Variants in PSMB6 observed in about 807,000 individuals in gnomAD.
PSMB6 encodes proteasome subunit beta type-6.
Under a neutral mutation model 28.2 loss-of-function variants are expected in PSMB6, and 11 were observed. The observed-to-expected ratio is 0.39, with a 90% confidence interval of 0.25 to 0.65. The LOEUF is 0.65. Ranked by LOEUF, PSMB6 falls within the 30% of genes least tolerant of loss-of-function variation. The probability of loss-of-function intolerance (pLI) is 0.48; values close to 1 mark genes in which losing one functional copy is unlikely to be tolerated. For missense variants in PSMB6, 268 were observed against 319.4 expected, an observed-to-expected ratio of 0.84 and a Z score of 1.23; for synonymous variants, 126 against 117.7, an observed-to-expected ratio of 1.07 and a Z score of -0.45.
Position 4,796,743 on chromosome 17 carries a change from G to T in PSMB6, c.118G>T (p.Val40Leu), listed in dbSNP as rs1567517041. 6.2e-7 allele frequency: 1 copy of T among 1,607,420 alleles called. No homozygotes were observed. The highest frequency in any genetic ancestry group is 8.5e-7 in the Non-Finnish European group (1 of 1,173,954). Residue 40 changes from valine to leucine, a missense_variant, in exon 2 of 6, where the codon GTG (valine) becomes TTG (leucine). Physicochemically the swap from Val to Leu is conservative, Grantham distance 32. Transcript: ENST00000270586. Reference sequence around the variant, plus strand: ...CTTTTCCCAGACCACTATCATGGCCGTGCAGTTTGACGGGGGCGTGGTTCT... The same window carrying T: ...CTTTTCCCAGACCACTATCATGGCCTTGCAGTTTGACGGGGGCGTGGTTCT... ...EVSTGTTIMA[V>L]QFDGGVVLGA... is the part of the protein sequence containing the mutation.
intron 1 of PSMB6, 102 bp downstream of exon 1, chr17:4,796,398 G>A: frequency 4.1e-6 from 4 of 979,064 alleles, no homozygotes; most frequent in Non-Finnish European, 6.1e-6. Flanking sequence ...TGGAGAGGAG[G>A]TGGAATGTGT....
chr17:4,797,593 A>G, intron 3 of PSMB6, 24 bp downstream of exon 3: 2 of 1,592,958 alleles, frequency 1.3e-6, no homozygotes, highest in East Asian at 2.2e-5. Context: ...GGGGAGGGGC[A>G]AGTATCTGAA....
intron 2 of PSMB6, 98 bp from the exon 3 acceptor site, chr17:4,797,340 C>T: frequency 1.4e-6 from 2 of 1,426,966 alleles, no homozygotes; most frequent in Non-Finnish European, 1.9e-6. Context: ...AAAGGCAATA[C>T]TGGACATCCT....
intron 5 of PSMB6, 50 bp downstream of exon 5, chr17:4,798,203 G>A: frequency 2.5e-6 from 4 of 1,613,188 alleles, no homozygotes; most frequent in Non-Finnish European, 3.4e-6. Context: ...AACTACCCAA[G>A]CCAGGCCAGC....
Position 4,796,260 on chromosome 17 carries a change from C to G in PSMB6, c.66C>G (p.Phe22Leu). 6.3e-7 allele frequency: 1 copy of G among 1,586,996 alleles called. No individual in the cohort carries two copies. The highest frequency in any genetic ancestry group is 1.8e-5 in the Admixed American group (1 of 55,720). ...GPAPAWGPEAFTPDWESREVS... is the reference protein window; with the variant it reads ...GPAPAWGPEALTPDWESREVS... ...CACCGGCTTGGGGGCCGGAGGCGTT[C>G]ACTCCAGACTGGGAAAGCCGAGAAG... is the stretch of plus-strand genomic sequence containing the variant. The change falls in exon 1 of 6, where the codon TTC (phenylalanine) becomes TTG (leucine). Residue 22 changes from phenylalanine to leucine, a missense_variant. Physicochemically the swap from Phe to Leu is conservative, Grantham distance 22 (BLOSUM62 0). Transcript: ENST00000270586.
rs1368469082 is a variant in PSMB6, at chr17:4,797,246, TG to T, written c.171-190del. Reference sequence around the variant, plus strand: ...TAGAGAATCGCTTGGACCCAGGAGGTGGATGTTGCAGTGAGCAGAGATCGCG... The same window carrying T: ...TAGAGAATCGCTTGGACCCAGGAGGTGATGTTGCAGTGAGCAGAGATCGCG... On this transcript the variant is annotated intron_variant, in intron 2 of 5. Transcript: ENST00000270586. 1.1e-5 allele frequency: 7 copies of T among 628,286 alleles called. No homozygotes were observed. The East Asian group carries it at 1.2e-4, about 11-fold the overall frequency. 38.9% of individuals were successfully genotyped at this position (628,286 alleles called of 1,614,324 possible). A position where few individuals can be genotyped will look rare whatever the true frequency, so the allele number is the denominator to read the frequency against.
Position 4,798,237 on chromosome 17 carries a change from C to T in PSMB6, c.578-43C>T, listed in dbSNP as rs202229001. The stretch of plus-strand genomic sequence containing the variant: ...GCATTCCTCATTCCTTGCAGTGATC[C>T]CGGCATCTGAATCTGAACCCAGCTT... On this transcript the variant is annotated intron_variant, in intron 5 of 5. Transcript: ENST00000270586. 2.5e-6 allele frequency: 4 copies of T among 1,612,344 alleles called. No homozygotes were observed. The African/African-American group carries it at 4.0e-5, about 16-fold the overall frequency.
At chr17:4,796,662 T>TAG in intron 1 of PSMB6, 66 bp from the exon 2 acceptor site, 9 of 1,404,308 alleles carry the variant, frequency 6.4e-6, no homozygotes, top group Non-Finnish European at 9.1e-6. Flanking sequence ...TGGAACTAGG[T>TAG]AGAGAGATCA....
rs775696343 is a variant in PSMB6, at chr17:4,796,181, A to G, written c.-14A>G. On this transcript the variant is annotated 5_prime_UTR_variant, in exon 1 of 6. Coordinates refer to ENST00000270586, the MANE Select transcript of PSMB6 (RefSeq NM_002798.3). Reference sequence around the variant, plus strand: ...TTTACGACAGTTGCTTTGAGGCAGTACCGGAGGAGAAAGATGGCGGCTACC... The same window carrying G: ...TTTACGACAGTTGCTTTGAGGCAGTGCCGGAGGAGAAAGATGGCGGCTACC... 1.1e-5 allele frequency: 17 copies of G among 1,570,578 alleles called. No homozygotes were observed. The highest frequency in any genetic ancestry group is 1.7e-4 in the Middle Eastern group (1 of 6,028).
At position 4,796,877 on chromosome 17, in the gene PSMB6, C is replaced by CA. The variant is rs1905346170; in HGVS notation, c.170+83dup. The CA allele has an allele frequency of 1.4e-5, 17 of 1,196,548 alleles. No individual in the cohort carries two copies. The East Asian group carries it at 4.0e-4, about 28-fold the overall frequency. 74.1% of individuals were successfully genotyped at this position (1,196,548 alleles called of 1,614,324 possible). A position where few individuals can be genotyped will look rare whatever the true frequency, so the allele number is the denominator to read the frequency against. ...TGCCAGCCCACCCTGCCTGCCTCCA[C>CA]AGACCACTGTGGGAAGAGAGGTTTC... On this transcript the variant is annotated intron_variant, in intron 2 of 5. Coordinates refer to ENST00000270586, the MANE Select transcript of PSMB6 (RefSeq NM_002798.3).
rs1567517386 is a variant in PSMB6, at chr17:4,797,560, G to T, written c.293G>T (p.Gly98Val). 6.3e-7 allele frequency: 1 copy of T among 1,597,800 alleles called. No individual in the cohort carries two copies. Residue 98 changes from glycine (G) to valine (V), a missense_variant, in exon 3 of 6, where the codon GGT (glycine) becomes GTT (valine). Gly to Val is a moderately radical substitution (Grantham distance 109). Coordinates refer to ENST00000270586, the MANE Select transcript of PSMB6 (RefSeq NM_002798.3). ...GCTGATGCTGTCACCTACCAGCTCGGTTTCCACAGGTGCTTGTGGGCAGGG... is the reference window on the plus strand; with the variant it reads ...GCTGATGCTGTCACCTACCAGCTCGTTTTCCACAGGTGCTTGTGGGCAGGG... ...AVADAVTYQL[G>V]FHSIELNEPP...
intron 2 of PSMB6, 103 bp from the exon 3 acceptor site, chr17:4,797,335 C>A: frequency 7.1e-7 from 1 of 1,400,548 alleles, no homozygotes; most frequent in Non-Finnish European, 9.6e-7. Flanking sequence ...GAAAAAAAGG[C>A]AATACTGGAC....
chr17:4,796,704 T>G (rs746343952), intron 1 of PSMB6, 24 bp from the exon 2 acceptor site: 11 of 1,560,778 alleles, frequency 7.0e-6, no homozygotes, highest in Non-Finnish European at 9.7e-6. Flanking sequence ...GAATGTAGAC[T>G]TACTCCTTTT....
At chr17:4,797,260 A>G (rs1905362742) in intron 2 of PSMB6, 178 bp from the exon 3 acceptor site, 2 of 724,560 alleles carry the variant, frequency 2.8e-6, no homozygotes, top group South Asian at 2.2e-5. Flanking sequence ...TGTTGCAGTG[A>G]GCAGAGATCG....
chr17:4,796,296 G>C lies in PSMB6; in HGVS notation c.102G>C (p.Gly34=), dbSNP rs760803222. 31 of 1,567,512 alleles carry C rather than the reference G, an allele frequency of 2.0e-5. No homozygotes were observed. Among genetic ancestry groups the C allele is most frequent in the Non-Finnish European group, 2.3e-5 (27 of 1,155,256 alleles). Residue 34 remains glycine (G), a splice_region_variant and synonymous_variant, in exon 1 of 6, where the codon GGG becomes GGC. Transcript: ENST00000270586. ...PDWESREVST[G]TTIMAVQFDG... Reference sequence around the variant, plus strand: ...GGGAAAGCCGAGAAGTTTCCACTGGGGTGAGGAAGGAATCGGGGTTCATAG... The same window carrying C: ...GGGAAAGCCGAGAAGTTTCCACTGGCGTGAGGAAGGAATCGGGGTTCATAG...
intron 1 of PSMB6, 42 bp downstream of exon 1, chr17:4,796,338 G>C: frequency 6.9e-7 from 1 of 1,446,752 alleles, no homozygotes; most frequent in Admixed American, 2.0e-5. Context: ...CACAAGGCCT[G>C]ACGCGATGGG....
In PSMB6 at chr17:4,798,358, A is replaced by G. The variant is rs908573412; in HGVS notation, c.656A>G (p.Glu219Gly). Residue 219 changes from glutamate (E) to glycine (G), a missense_variant, in exon 6 of 6, where the codon GAG (glutamate) becomes GGG (glycine). Glu to Gly is a moderately conservative substitution (Grantham distance 98). Coordinates refer to ENST00000270586, the MANE Select transcript of PSMB6 (RefSeq NM_002798.3). ...RLAAIAESGV[E>G]RQVLLGDQIP... ...GCAGCCATTGCAGAGTCAGGGGTAG[A>G]GCGGCAAGTACTTTTGGGAGACCAG... The G allele has an allele frequency of 1.2e-6, 2 of 1,614,240 alleles. No individual in the cohort carries two copies. The highest frequency in any genetic ancestry group is 1.6e-4 in the Middle Eastern group (1 of 6,062).
In PSMB6 at chr17:4,798,053, T is replaced by C; in HGVS notation, c.477T>C (p.Phe159=). 6.2e-7 allele frequency: 1 copy of C among 1,614,160 alleles called. No homozygotes were observed. Among genetic ancestry groups the C allele is most frequent in the East Asian group, 2.2e-5 (1 of 44,882 alleles). ...GGGGTATGATGGTAAGGCAGTCCTT[T>C]GCCATTGGAGGCTCCGGGAGCTCCT... is the stretch of plus-strand genomic sequence containing the variant. ...PMGGMMVRQS[F]AIGGSGSSYI... Residue 159 remains phenylalanine, a synonymous_variant, in exon 5 of 6, where the codon TTT becomes TTC. Transcript: ENST00000270586.
Position 4,798,357 on chromosome 17 carries a change from G to A in PSMB6, c.655G>A (p.Glu219Lys). The change falls in exon 6 of 6, where the codon GAG becomes AAG. Residue 219 changes from glutamate (E) to lysine (K), a missense_variant. Glu to Lys is a moderately conservative substitution (Grantham distance 56). Coordinates refer to ENST00000270586, the MANE Select transcript of PSMB6 (RefSeq NM_002798.3). Reference protein sequence around the residue: ...RLAAIAESGVERQVLLGDQIP... With the variant: ...RLAAIAESGVKRQVLLGDQIP... Reference sequence around the variant, plus strand: ...GGCAGCCATTGCAGAGTCAGGGGTAGAGCGGCAAGTACTTTTGGGAGACCA... The same window carrying A: ...GGCAGCCATTGCAGAGTCAGGGGTAAAGCGGCAAGTACTTTTGGGAGACCA... 6.2e-7 allele frequency: 1 copy of A among 1,614,254 alleles called. No individual in the cohort carries two copies. The highest frequency in any genetic ancestry group is 8.5e-7 in the Non-Finnish European group (1 of 1,180,050).
Sources: gnomAD v4.1 joint callset for allele counts on GRCh38, gnomAD v4.1.1 for gene constraint, MANE v1.5 for transcripts, NCBI Gene and HGNC (gene_info 2026-07-23, HGNC 2026-07-21) for gene names.